The following VPS8 variants were observed in gnomAD, a reference collection of about 807,000 sequenced individuals.
The protein encoded by VPS8 is VPS8 subunit of CORVET complex.
VPS8 carries 129 observed loss-of-function variants against 216.4 expected under a neutral mutation model. That is an observed-to-expected ratio of 0.60 (90% CI 0.52 to 0.69). The LOEUF (loss-of-function observed/expected upper bound fraction) is 0.69, where lower values mean the gene tolerates loss of function less well. Among genes scored for constraint, VPS8 ranks in the 30% least tolerant of loss-of-function variants. VPS8 has a pLI of 0.00. For synonymous variants in VPS8, 571 were observed against 565.4 expected (o/e 1.01, Z -0.14); for missense variants, 1,531 against 1,683.5 (o/e 0.91, Z 1.59).
Position 185,019,948 on chromosome 3 carries a change from C to T in VPS8, c.4003-4388C>T, listed in dbSNP as rs112072255. On this transcript the variant is annotated intron_variant, in intron 45 of 47. Transcript: ENST00000625842. Reference sequence around the variant, plus strand: ...TGTGAAAAATATTTTTTAAACAATCCTTTGGTTTCAGAGCTTTTTGGATTT... The same window carrying T: ...TGTGAAAAATATTTTTTAAACAATCTTTTGGTTTCAGAGCTTTTTGGATTT... 3.3e-3 allele frequency among the ~76,000 whole-genome samples: 500 copies of T among 152,216 alleles called. 2 individuals are homozygous for T. The highest frequency in any genetic ancestry group is 0.011 in the African/African-American group (453 of 41,514).
At chr3:184,835,038 A>G (rs903089229) in intron 5 of VPS8, 8 of 228,538 alleles carry the variant, frequency 3.5e-5, no homozygotes, top group African/African-American at 1.6e-4. Flanking sequence ...ATTCCTTTTC[A>G]TTTAGTTGCC....
chr3:184,825,093 A>G, intron 2 of VPS8: 1 of 294,110 alleles, frequency 3.4e-6, no homozygotes, highest in Non-Finnish European at 6.8e-6. Context: ...TTTTGTAGAG[A>G]GGGTCTCGCC....
intron 22 of VPS8, chr3:184,893,209 C>G (rs1732711007): frequency 8.1e-7 from 1 of 1,239,322 alleles, no homozygotes; most frequent in Non-Finnish European, 1.0e-6. Context: ...TGTAGCCAGT[C>G]TGTTTTCCAT....
intron 16 of VPS8, 113 bp from the exon 17 acceptor site, chr3:184,866,763 A>G (rs1727432875): frequency 2.1e-6 from 2 of 935,864 alleles, no homozygotes; most frequent in Non-Finnish European, 1.6e-6. Context: ...GTAAACTATA[A>G]TCACTAAAAA....
intron 36 of VPS8, among the ~76,000 whole-genome samples, chr3:184,954,445 G>C (rs1488689121): frequency 1.3e-5 from 2 of 152,148 alleles, no homozygotes; most frequent in Non-Finnish European, 2.9e-5. Context: ...TGGCCCTCCT[G>C]ACAACCAACC....
rs1733375090 is a variant in VPS8, at chr3:184,895,855, A to G, written c.2004+930A>G. Among the ~76,000 whole-genome samples, 3 of 150,538 alleles carry G rather than the reference A, an allele frequency of 2.0e-5. No individual in the cohort carries two copies. In the South Asian group the frequency reaches 6.3e-4, roughly 32 times the overall value. On this transcript the variant is annotated intron_variant, in intron 23 of 47. Coordinates refer to ENST00000625842, the MANE Select transcript of VPS8 (RefSeq NM_001009921.3). Reference sequence around the variant, plus strand: ...CACCATGTTGGGCAGGCTGGTCTCGAACTTTTGACTTCAAGTGATTCGCCT... The same window carrying G: ...CACCATGTTGGGCAGGCTGGTCTCGGACTTTTGACTTCAAGTGATTCGCCT...
intron 21 of VPS8, among the ~76,000 whole-genome samples, chr3:184,880,179 A>G (rs867576587): frequency 1.2e-4 from 18 of 152,194 alleles, no homozygotes; most frequent in African/African-American, 3.6e-4. Flanking sequence ...ATTTTCCCCA[A>G]TAAGAGAACA....
intron 14 of VPS8, among the ~76,000 whole-genome samples, chr3:184,856,297 A>T (rs1725242961): frequency 6.6e-6 from 1 of 152,208 alleles, no homozygotes; most frequent in South Asian, 2.1e-4. Flanking sequence ...TGGTTTAAGG[A>T]TTGAACTATG....
intron 25 of VPS8, among the ~76,000 whole-genome samples, chr3:184,902,721 T>A (rs1002928619): frequency 2.6e-4 from 40 of 151,432 alleles, no homozygotes; most frequent in Admixed American, 2.3e-3. Context: ...TCCCAGCTAC[T>A]CAGGAGGCTG....
rs893970344 is a variant in VPS8 at position 185,042,797 on chromosome 3, A to T, written c.4057-5682A>T. ...ACATTTTTTAATCCATTTTTAAAAA[A>T]ATATATAATGAGATGATCAGCTTTT... On this transcript the variant is annotated intron_variant, in intron 46 of 47. Transcript: ENST00000625842. 4.6e-5 allele frequency among the ~76,000 whole-genome samples: 7 copies of T among 152,304 alleles called. No homozygotes were observed. In the South Asian group the frequency reaches 8.3e-4, roughly 18 times the overall value.
chr3:184,881,382 A>G (rs1730239643), intron 21 of VPS8, among the ~76,000 whole-genome samples: 1 of 152,156 alleles, frequency 6.6e-6, no homozygotes, highest in Non-Finnish European at 1.5e-5. Context: ...TAATTGCAGC[A>G]TTATTTGTTG....
intron 10 of VPS8, among the ~76,000 whole-genome samples, chr3:184,850,495 A>G (rs1254806393): frequency 1.3e-5 from 2 of 152,168 alleles, no homozygotes; most frequent in Non-Finnish European, 2.9e-5. Context: ...CAAGGTTTGG[A>G]TTATGTTTAG....
At chr3:184,858,742 C>G (rs1428683658) in intron 14 of VPS8, among the ~76,000 whole-genome samples, 1 of 152,138 alleles carries the variant, frequency 6.6e-6, no homozygotes, top group East Asian at 1.9e-4. Flanking sequence ...CTTTGTTCCT[C>G]CAGAAAGTCA....
intron 40 of VPS8, among the ~76,000 whole-genome samples, chr3:184,975,676 A>G (rs1470119208): frequency 6.6e-6 from 1 of 152,078 alleles, no homozygotes; most frequent in Non-Finnish European, 1.5e-5. Context: ...GTATGATGTT[A>G]GCTGTGGGTT....
At position 184,996,317 on chromosome 3, in the gene VPS8, T is replaced by G; in HGVS notation, c.3667-15T>G. On this transcript the variant is annotated splice_polypyrimidine_tract_variant and intron_variant, in intron 43 of 47. Transcript: ENST00000625842. ...AACCTTTTGTTTGTTTGTTTTTTGT[T>G]TTGGTGTTTCATAGACCCTGCTGGA... 1 of 1,592,318 alleles carries G rather than the reference T, an allele frequency of 6.3e-7. No homozygotes were observed. The highest frequency in any genetic ancestry group is 1.7e-4 in the Middle Eastern group (1 of 5,916).
intron 14 of VPS8, among the ~76,000 whole-genome samples, 193 bp downstream of exon 14, chr3:184,856,011 G>T (rs1369087132): frequency 6.6e-6 from 1 of 152,078 alleles, no homozygotes; most frequent in Non-Finnish European, 1.5e-5. Flanking sequence ...ACTTCTCATG[G>T]TTTATTTCTC....
At chr3:185,024,562 A>G (rs2110077601) in intron 46 of VPS8, among the ~76,000 whole-genome samples, 173 bp downstream of exon 46, 1 of 152,330 alleles carries the variant, frequency 6.6e-6, no homozygotes, top group East Asian at 1.9e-4. Flanking sequence ...TGGCTTCTCC[A>G]GAGAAACCAA....
rs1016995079 is a variant in VPS8 at position 184,995,850 on chromosome 3, G to A, written c.3667-482G>A. Among the ~76,000 whole-genome samples, 10 of 152,164 alleles carry A rather than the reference G, an allele frequency of 6.6e-5. No individual in the cohort carries two copies. In the East Asian group the frequency reaches 1.9e-3, roughly 29 times the overall value. On this transcript the variant is annotated intron_variant, in intron 43 of 47. Coordinates refer to ENST00000625842, the MANE Select transcript of VPS8 (RefSeq NM_001009921.3). ...TCTGCCCAAGGAAGATGAAAATAGAGTAATGGCCATTAGCTTTACTAGTGA... is the reference window on the plus strand; with the variant it reads ...TCTGCCCAAGGAAGATGAAAATAGAATAATGGCCATTAGCTTTACTAGTGA...
chr3:185,010,915 C>T (rs1754925558), intron 45 of VPS8, among the ~76,000 whole-genome samples: 1 of 152,096 alleles, frequency 6.6e-6, no homozygotes, highest in African/African-American at 2.4e-5. Context: ...AAGAAGGTCA[C>T]TTGAGCCCAG....
Sources: allele counts gnomAD v4.1 joint callset (sites outside exome capture counted in the v4.1 genomes callset), GRCh38; gene constraint gnomAD v4.1.1; transcripts MANE v1.5; gene names NCBI Gene and HGNC (gene_info 2026-07-23, HGNC 2026-07-21).